Variants in GVQW3 observed in about 807,000 individuals in gnomAD.
GVQW3 encodes GVQW motif containing 3, also known as protein GVQW3.
A neutral mutation model predicts 12.5 loss-of-function variants in GVQW3; 7 were observed. That is an observed-to-expected ratio of 0.56 (90% CI 0.32 to 1.05). The LOEUF (loss-of-function observed/expected upper bound fraction) is 1.05, where lower values mean the gene tolerates loss of function less well. Ranked by LOEUF, GVQW3 falls within the 50% of genes least tolerant of loss-of-function variation. GVQW3 has a pLI of 0.04. For synonymous variants in GVQW3, 71 were observed against 67.2 expected, an observed-to-expected ratio of 1.06 and a Z score of -0.28; for missense variants, 188 against 190.8, an observed-to-expected ratio of 0.99 and a Z score of 0.09.
At chr11:76,386,166 T>C (rs893503993) in intron 1 of GVQW3, among the ~76,000 whole-genome samples, 2 of 152,228 alleles carry the variant, frequency 1.3e-5, no homozygotes, top group African/African-American at 4.8e-5. Context: ...GCTGAGCGTC[T>C]AAGAGGAATA....
intron 1 of GVQW3, chr11:76,383,493 G>A (rs1268325052): frequency 6.6e-6 from 1 of 152,290 alleles, no homozygotes; most frequent in Non-Finnish European, 1.5e-5. Context: ...AGTAGAAAAT[G>A]ACACTGGCCA....
rs1947028611 is a variant in GVQW3, at chr11:76,405,263, G to A, written c.*1505G>A. 6.6e-6 allele frequency: 1 copy of A among 152,218 alleles called. No homozygotes were observed. The highest frequency in any genetic ancestry group is 2.4e-5 in the African/African-American group (1 of 41,404). The allele number at this position is 152,218 out of a possible 1,614,324, so 9.4% of individuals were successfully genotyped here. On this transcript the variant is annotated 3_prime_UTR_variant, in exon 2 of 2. Coordinates refer to ENST00000529331, the MANE Select transcript of GVQW3 (RefSeq NM_001347885.2). ...TTCTACTAAATCTCATTGGCCCAAG[G>A]GAGCTGCAGTGGTAGGTAACAAGGA...
intron 1 of GVQW3, among the ~76,000 whole-genome samples, chr11:76,394,417 C>T (rs541285625): frequency 6.6e-6 from 1 of 152,194 alleles, no homozygotes; most frequent in African/African-American, 2.4e-5. Flanking sequence ...TTGTAGCTCC[C>T]ACAAATAAGT....
At chr11:76,413,221 G>A (rs1947093579) in exon 2 of GVQW3, 1 of 151,934 alleles carries the variant, frequency 6.6e-6, no homozygotes, top group Admixed American at 6.6e-5. Flanking sequence ...TGTTTTTATT[G>A]CTTAGCCTTG....
chr11:76,395,957 C>G (rs1363544971), intron 1 of GVQW3, among the ~76,000 whole-genome samples: 1 of 152,152 alleles, frequency 6.6e-6, no homozygotes, highest in African/African-American at 2.4e-5. Context: ...TGTCTTGCCA[C>G]TCTAGATGTT....
At chr11:76,413,179 G>C (rs1947093204) in exon 2 of GVQW3, 2 of 152,002 alleles carry the variant, frequency 1.3e-5, no homozygotes, top group Non-Finnish European at 2.9e-5. Context: ...TAATTTTTTG[G>C]CCGCTTTTAT....
chr11:76,389,549 C>G (rs1207874450), intron 1 of GVQW3: 1 of 152,192 alleles, frequency 6.6e-6, no homozygotes, highest in African/African-American at 2.4e-5. Flanking sequence ...CAAAAAAACA[C>G]AAAGTGTTAA....
At chr11:76,384,921 G>A (rs1055496964) in intron 1 of GVQW3, among the ~76,000 whole-genome samples, 6 of 152,220 alleles carry the variant, frequency 3.9e-5, no homozygotes, top group African/African-American at 1.2e-4. Context: ...AGTGGTAATT[G>A]TTGCAGATTT....
At chr11:76,386,074 C>T (rs1022716296) in intron 1 of GVQW3, among the ~76,000 whole-genome samples, 1 of 152,186 alleles carries the variant, frequency 6.6e-6, no homozygotes, top group Admixed American at 6.5e-5. Flanking sequence ...GTCAATGACT[C>T]CGTTTGGCTT....
intron 1 of GVQW3, among the ~76,000 whole-genome samples, chr11:76,390,750 C>T (rs971497616): frequency 5.3e-5 from 8 of 152,066 alleles, no homozygotes; most frequent in African/African-American, 9.7e-5. Flanking sequence ...TGGCGTGAAC[C>T]CGGGAGGCGG....
chr11:76,401,829 G>A (rs182323478), intron 1 of GVQW3, among the ~76,000 whole-genome samples: 355 of 151,838 alleles, frequency 2.3e-3, no homozygotes, highest in African/African-American at 8.2e-3. Flanking sequence ...TATCTCAATG[G>A]GTGCCTGCAT....
rs1244435100 is a variant in GVQW3, at chr11:76,382,063, A to G, written c.235A>G (p.Lys79Glu). Residue 79 changes from lysine (K) to glutamate (E), a missense_variant, in exon 1 of 2, where the codon AAG becomes GAG. Physicochemically the swap from Lys to Glu is moderately conservative, Grantham distance 56. Coordinates refer to ENST00000529331, the MANE Select transcript of GVQW3 (RefSeq NM_001347885.2). The part of the protein sequence containing the change: ...HRTDDNIQKV[K>E]DLVCSNRQLT... ...AACAGATGACAATATCCAGAAGGTC[A>G]AGGACTTGGTTTGTTCAAACAGGCA... The G allele has an allele frequency of 6.5e-7, 1 of 1,536,610 alleles. No homozygotes were observed. Among genetic ancestry groups the G allele is most frequent in the South Asian group, 1.2e-5 (1 of 84,066 alleles).
At chr11:76,398,430 G>A (rs1946959354) in intron 1 of GVQW3, among the ~76,000 whole-genome samples, 1 of 152,218 alleles carries the variant, frequency 6.6e-6, no homozygotes, top group African/African-American at 2.4e-5. Flanking sequence ...TCATGCCTCA[G>A]CCTCCTGAGT....
chr11:76,411,966 C>G (rs1590829244), downstream of GVQW3: 1 of 152,192 alleles, frequency 6.6e-6, no homozygotes, highest in Non-Finnish European at 1.5e-5. Flanking sequence ...TATGGATCCA[C>G]AGATAGCTTT....
chr11:76,399,053 C>A (rs1266492750), intron 1 of GVQW3, among the ~76,000 whole-genome samples: 2 of 151,970 alleles, frequency 1.3e-5, no homozygotes, highest in Non-Finnish European at 2.9e-5. Flanking sequence ...TTATATTTGC[C>A]TTGTGGTTTT....
At chr11:76,410,116 A>G (rs1387897654), downstream of GVQW3, among the ~76,000 whole-genome samples, 1 of 152,102 alleles carries the variant, frequency 6.6e-6, no homozygotes, top group Non-Finnish European at 1.5e-5. Context: ...AAAACTGGGT[A>G]TGGTAGTGCA....
At position 76,407,864 on chromosome 11, in the gene GVQW3, T is replaced by A. The variant is rs1393608629; in HGVS notation, c.*4106T>A. 6.6e-6 allele frequency: 1 copy of A among 152,130 alleles called. No individual in the cohort carries two copies. Among genetic ancestry groups the A allele is most frequent in the Non-Finnish European group, 1.5e-5 (1 of 68,022 alleles). The allele number at this position is 152,130 out of a possible 1,614,324, so 9.4% of individuals were successfully genotyped here. ...AAGAACTGTCAATGATGTTTGAAGA[T>A]GTTCACAATAAGATAGGTGATAAAA... On this transcript the variant is annotated 3_prime_UTR_variant, in exon 2 of 2. Transcript: ENST00000529331.
downstream of GVQW3, chr11:76,413,085 GA>G (rs1348131581): frequency 6.6e-6 from 1 of 152,164 alleles, no homozygotes; most frequent in African/African-American, 2.4e-5. Flanking sequence ...GAAACTTCAA[GA>G]AGAGAAAGAG....
At chr11:76,392,458 G>A (rs1267399332) in intron 1 of GVQW3, 1 of 152,248 alleles carries the variant, frequency 6.6e-6, no homozygotes, top group Non-Finnish European at 1.5e-5. Context: ...GGGAGGTTGA[G>A]TGATTTTCTT....
Sources: allele counts gnomAD v4.1 joint callset (sites outside exome capture counted in the v4.1 genomes callset), GRCh38; gene constraint gnomAD v4.1.1; transcripts MANE v1.5; gene names NCBI Gene and HGNC (gene_info 2026-07-23, HGNC 2026-07-21).